STX6: variants seen among roughly 807,000 people sequenced by gnomAD.
STX6 encodes the protein syntaxin 6, also known as syntaxin-6.
A neutral mutation model predicts 38.0 loss-of-function variants in STX6; 23 were observed. That is an observed-to-expected ratio of 0.60 (90% CI 0.43 to 0.86). STX6 has a LOEUF of 0.86. STX6 is among the 40% of genes least tolerant of loss of function. The probability of loss-of-function intolerance (pLI) is 0.00; values close to 1 mark genes in which losing one functional copy is unlikely to be tolerated. For missense variants in STX6, 274 were observed against 312.9 expected (o/e 0.88, Z 0.94); for synonymous variants, 123 against 107.5 (o/e 1.14, Z -0.89).
chr1:180,978,028 G>C lies in STX6; in HGVS notation c.692-1382C>G, dbSNP rs180835860. Among the ~76,000 whole-genome samples the C allele has an allele frequency of 2.4e-3, 364 of 152,268 alleles. 6 individuals are homozygous for C. Among genetic ancestry groups the C allele is most frequent in the African/African-American group, 8.4e-3 (351 of 41,550 alleles). On this transcript the variant is annotated intron_variant, in intron 7 of 7. Coordinates refer to ENST00000258301, the MANE Select transcript of STX6 (RefSeq NM_005819.6). The stretch of plus-strand genomic sequence containing the variant: ...GTTCTCAGGTAGGACTGTTCCAAAG[G>C]TCTAGGGAAGGCAGAGATGGCCTAC...
chr1:181,005,245 C>CCA (rs1558096067), intron 2 of STX6, 49 bp downstream of exon 2: 1 of 1,561,132 alleles, frequency 6.4e-7, no homozygotes, highest in Non-Finnish European at 8.7e-7. Context: ...AAAAACTTGT[C>CCA]CATTTGTCTA....
At position 180,990,035 on chromosome 1, in the gene STX6, C is replaced by T. The variant is rs1406174891; in HGVS notation, c.438G>A (p.Glu146=). The T allele has an allele frequency of 5.6e-6, 9 of 1,614,100 alleles. No individual in the cohort carries two copies. The highest frequency in any genetic ancestry group is 7.6e-6 in the Non-Finnish European group (9 of 1,180,024). Reference sequence around the variant, plus strand: ...TGAAATGAGAATTGGCTCTCTGGAGCTCTCGGTCCAGACGCCCATATTTAT... The same window carrying T: ...TGAAATGAGAATTGGCTCTCTGGAGTTCTCGGTCCAGACGCCCATATTTAT... The part of the protein sequence containing the change: ...TTDKYGRLDR[E]LQRANSHFIE... Residue 146 remains glutamate, a synonymous_variant, in exon 5 of 8, where the codon GAG becomes GAA. Coordinates refer to ENST00000258301, the MANE Select transcript of STX6 (RefSeq NM_005819.6).
rs113750664 is a variant in STX6 at position 181,021,309 on chromosome 1, T to C, written c.35+1330A>G. Among the ~76,000 whole-genome samples the C allele has an allele frequency of 4.1e-3, 624 of 152,262 alleles. 6 individuals are homozygous for C. The highest frequency in any genetic ancestry group is 0.014 in the African/African-American group (576 of 41,538). ...CCTAAATCAATCCTTCTAATAAATA[T>C]CACATTTTCTAGGTAGGGATACACA... On this transcript the variant is annotated intron_variant, in intron 1 of 7. Transcript: ENST00000258301.
intron 2 of STX6, among the ~76,000 whole-genome samples, chr1:181,003,533 T>C (rs1224226017): frequency 2.0e-5 from 3 of 152,194 alleles, no homozygotes; most frequent in Non-Finnish European, 4.4e-5. Flanking sequence ...CCTCACATAT[T>C]TGCCACTAAT....
At chr1:181,004,709 C>T (rs1327415726) in intron 2 of STX6, among the ~76,000 whole-genome samples, 3 of 152,148 alleles carry the variant, frequency 2.0e-5, no homozygotes, top group African/African-American at 4.8e-5. Context: ...AACTGTTTCC[C>T]GGAGTTCTGT....
At position 180,974,858 on chromosome 1, in the gene STX6, T is replaced by G. The variant is rs1211959348; in HGVS notation, c.*1712A>C. The G allele has an allele frequency of 6.6e-6, 1 of 152,578 alleles. No individual in the cohort carries two copies. The highest frequency in any genetic ancestry group is 1.5e-5 in the Non-Finnish European group (1 of 68,042). 9.5% of individuals were successfully genotyped at this position (152,578 alleles called of 1,614,324 possible). A position where few individuals can be genotyped will look rare whatever the true frequency, so the allele number is the denominator to read the frequency against. ...CAAACATTAGAGCGGAGTGTAAACA[T>G]GGATGTCAATCACCCTTTTAGTTTC... On this transcript the variant is annotated 3_prime_UTR_variant, in exon 8 of 8. Coordinates refer to ENST00000258301, the MANE Select transcript of STX6 (RefSeq NM_005819.6).
At chr1:180,978,835 C>A (rs562129025) in intron 7 of STX6, among the ~76,000 whole-genome samples, 150 of 152,290 alleles carry the variant, frequency 9.8e-4, no homozygotes, top group African/African-American at 3.6e-3. Flanking sequence ...CCGGCCTCAC[C>A]ACCCCATCTA....
intron 6 of STX6, among the ~76,000 whole-genome samples, chr1:180,985,835 T>C (rs1655561902): frequency 2.0e-5 from 3 of 152,244 alleles, no homozygotes; most frequent in Non-Finnish European, 4.4e-5. Flanking sequence ...ACAGCATCAA[T>C]GGCAGTTAGA....
chr1:181,006,501 T>C (rs1406215448), intron 1 of STX6, among the ~76,000 whole-genome samples: 1 of 151,722 alleles, frequency 6.6e-6, no homozygotes, highest in Non-Finnish European at 1.5e-5. Flanking sequence ...TATTTAAATG[T>C]TATAATCTAA....
intron 1 of STX6, among the ~76,000 whole-genome samples, chr1:181,005,845 AGAT>A (rs1264351878): frequency 6.6e-6 from 1 of 152,238 alleles, no homozygotes; most frequent in African/African-American, 2.4e-5. Context: ...ATTTATACTC[AGAT>A]GATAAGTCCT....
At chr1:180,980,032 C>T (rs1233126740) in intron 7 of STX6, among the ~76,000 whole-genome samples, 1 of 152,040 alleles carries the variant, frequency 6.6e-6, no homozygotes, top group African/African-American at 2.4e-5. Flanking sequence ...CATGGTGAAA[C>T]CCTGTCTCTA....
Position 180,990,023 on chromosome 1 carries a change from G to A in STX6, c.450C>T (p.Ala150=). 1 of 1,613,950 alleles carries A rather than the reference G, an allele frequency of 6.2e-7. No homozygotes were observed. The highest frequency in any genetic ancestry group is 8.5e-7 in the Non-Finnish European group (1 of 1,179,996). The part of the protein sequence containing the change: ...YGRLDRELQR[A]NSHFIEEQQA... ...GCTGCTCCTCAATGAAATGAGAATT[G>A]GCTCTCTGGAGCTCTCGGTCCAGAC... Residue 150 remains alanine, a synonymous_variant, in exon 5 of 8, where the codon GCC becomes GCT. Coordinates refer to ENST00000258301, the MANE Select transcript of STX6 (RefSeq NM_005819.6).
intron 3 of STX6, among the ~76,000 whole-genome samples, chr1:180,994,651 G>A (rs1256243305): frequency 6.6e-6 from 1 of 152,210 alleles, no homozygotes; most frequent in Non-Finnish European, 1.5e-5. Context: ...AGAATAGATA[G>A]GTGGTTACCT....
intron 1 of STX6, among the ~76,000 whole-genome samples, chr1:181,019,076 G>A (rs915512483): frequency 6.6e-6 from 1 of 152,168 alleles, no homozygotes; most frequent in African/African-American, 2.4e-5. Context: ...TTTTTACAGA[G>A]TGAAAATTCA....
intron 2 of STX6, among the ~76,000 whole-genome samples, chr1:181,003,993 A>G (rs551804335): frequency 1.3e-5 from 2 of 152,218 alleles, no homozygotes; most frequent in South Asian, 2.1e-4. Context: ...TTTGATCTCT[A>G]ATTACCGAAG....
At chr1:180,991,720 GT>G (rs1280543284) in intron 4 of STX6, among the ~76,000 whole-genome samples, 1 of 152,154 alleles carries the variant, frequency 6.6e-6, no homozygotes, top group Non-Finnish European at 1.5e-5. Flanking sequence ...CAGAGCAGGG[GT>G]GCTGGTGAGG....
chr1:181,010,815 C>A (rs1393905423), intron 1 of STX6, among the ~76,000 whole-genome samples: 2 of 152,068 alleles, frequency 1.3e-5, no homozygotes, highest in Admixed American at 1.3e-4. Flanking sequence ...TGAATATTAT[C>A]ATGAAAAGAG....
In STX6 at chr1:180,983,496, A is replaced by T. The variant is rs533532435; in HGVS notation, c.691+1181T>A. On this transcript the variant is annotated intron_variant, in intron 7 of 7. Transcript: ENST00000258301. ...TTCCCATGTAAAGAGTCACTGGAAC[A>T]TATCTTATACAGTAACTATTATGAA... Among the ~76,000 whole-genome samples the T allele has an allele frequency of 8.5e-5, 13 of 152,364 alleles. No homozygotes were observed. In the South Asian group the frequency reaches 2.1e-3, roughly 24 times the overall value.
intron 1 of STX6, among the ~76,000 whole-genome samples, chr1:181,017,546 T>C (rs1656596973): frequency 6.6e-6 from 1 of 152,330 alleles, no homozygotes; most frequent in Middle Eastern, 3.4e-3. Context: ...GTTACATGGT[T>C]TTCTTCAGGG....
Sources: gnomAD v4.1 joint callset for allele counts (sites outside exome capture counted in the v4.1 genomes callset) on GRCh38, gnomAD v4.1.1 for gene constraint, MANE v1.5 for transcripts, NCBI Gene and HGNC (gene_info 2026-07-23, HGNC 2026-07-21) for gene names.